Variants in PRKCQ observed in about 807,000 individuals in gnomAD.
PRKCQ encodes the protein protein kinase C theta.
A neutral mutation model predicts 91.2 loss-of-function variants in PRKCQ; 41 were observed. The observed-to-expected ratio is 0.45, with a 90% confidence interval of 0.35 to 0.58. The LOEUF (loss-of-function observed/expected upper bound fraction) is 0.58, where lower values mean the gene tolerates loss of function less well. Among genes scored for constraint, PRKCQ ranks in the 20% least tolerant of loss-of-function variants. The pLI, the probability that PRKCQ is intolerant of heterozygous loss-of-function variation, is 0.00. For missense variants in PRKCQ, 673 were observed against 896.5 expected (o/e 0.75, Z 3.18); for synonymous variants, 307 against 316.9 (o/e 0.97, Z 0.33).
chr10:6,433,456 T>G (rs530414204), intron 16 of PRKCQ, among the ~76,000 whole-genome samples: 37 of 152,282 alleles, frequency 2.4e-4, no homozygotes, highest in African/African-American at 8.7e-4. Flanking sequence ...AGTAGATGCC[T>G]GCAGAGTAAG....
chr10:6,541,128 C>T (rs959320957), intron 1 of PRKCQ, among the ~76,000 whole-genome samples: 1 of 152,190 alleles, frequency 6.6e-6, no homozygotes, highest in African/African-American at 2.4e-5. Flanking sequence ...CTTTTGCAGA[C>T]GTTACATTCT....
the PRKCQ span, among the ~76,000 whole-genome samples, chr10:6,407,079 A>C: frequency 6.6e-6 from 1 of 152,220 alleles, no homozygotes; most frequent in African/African-American, 2.4e-5. The surrounding 1 kb of genome is among the most constrained non-coding windows in gnomAD (Gnocchi z 4.0). Context: ...TCACAAACCC[A>C]AAAAGAGCTA....
intron 1 of PRKCQ, among the ~76,000 whole-genome samples, chr10:6,539,113 G>A (rs1839686419): frequency 6.6e-6 from 1 of 152,132 alleles, no homozygotes; most frequent in African/African-American, 2.4e-5. Context: ...CTTGCACAAG[G>A]GTAGAAACCT....
rs1333645341 is a variant in PRKCQ at position 6,511,009 on chromosome 10, T to A, written c.304A>T (p.Lys102Ter). ...LAERCRKNNG[K>*]TEIWLELKPQ... ...TGCAACGTTACCCATATTTCTGTCT[T>A]CCCGTTGTTCTTCCTGCACCTCTCA... The change falls in exon 3 of 18, where the codon AAG becomes TAG. Residue 102 changes from lysine (K) to a stop codon, truncating the protein, a stop_gained. Coordinates refer to ENST00000263125, the MANE Select transcript of PRKCQ (RefSeq NM_006257.5). LOFTEE classifies it high-confidence loss of function. 6.2e-7 allele frequency: 1 copy of A among 1,614,014 alleles called. No homozygotes were observed. Among genetic ancestry groups the A allele is most frequent in the African/African-American group, 1.3e-5 (1 of 74,922 alleles).
At chr10:6,517,981 T>C (rs1429989837) in intron 1 of PRKCQ, among the ~76,000 whole-genome samples, 1 of 152,194 alleles carries the variant, frequency 6.6e-6, no homozygotes, top group African/African-American at 2.4e-5. Context: ...TACTATGTAA[T>C]TGCATGTACC....
chr10:6,545,485 A>G (rs1839917086), intron 1 of PRKCQ, among the ~76,000 whole-genome samples: 1 of 152,354 alleles, frequency 6.6e-6, no homozygotes, highest in South Asian at 2.1e-4. Flanking sequence ...AAGAAGCCAG[A>G]CACCAAGGGA....
chr10:6,576,005 A>G lies in PRKCQ; in HGVS notation c.-10+4206T>C, dbSNP rs1014968960. 6.6e-6 allele frequency among the ~76,000 whole-genome samples: 1 copy of G among 152,240 alleles called. No homozygotes were observed. Among genetic ancestry groups the G allele is most frequent in the East Asian group, 1.9e-4 (1 of 5,180 alleles). Reference sequence around the variant, plus strand: ...CAGTGAGCTGAGATCATGCCACTGCACTCCAGCCTGGCGACACAGCGAGAC... The same window carrying G: ...CAGTGAGCTGAGATCATGCCACTGCGCTCCAGCCTGGCGACACAGCGAGAC... On this transcript the variant is annotated intron_variant, in intron 1 of 17. Coordinates refer to ENST00000263125, the MANE Select transcript of PRKCQ (RefSeq NM_006257.5). This position sits in a 1 kb window ranked among gnomAD's most constrained non-coding sequence, Gnocchi z 4.2.
At chr10:6,544,379 A>G (rs1839877735) in intron 1 of PRKCQ, among the ~76,000 whole-genome samples, 1 of 152,158 alleles carries the variant, frequency 6.6e-6, no homozygotes, top group Non-Finnish European at 1.5e-5. Context: ...TGAAGAACCA[A>G]TTTGCCCATT....
At chr10:6,398,249 G>T in the PRKCQ span, among the ~76,000 whole-genome samples, 6 of 152,116 alleles carry the variant, frequency 3.9e-5, no homozygotes, top group Admixed American at 3.9e-4. Context: ...TTCATGTCTA[G>T]TCTTACGCCA....
intron 15 of PRKCQ, among the ~76,000 whole-genome samples, chr10:6,449,415 A>G (rs541494552): frequency 0.035 from 5,335 of 152,262 alleles, 138 homozygotes; most frequent in Non-Finnish European, 0.052. Flanking sequence ...CAAAGCCTCC[A>G]AGAAATATGG....
At chr10:6,543,831 G>T (rs559205036) in intron 1 of PRKCQ, among the ~76,000 whole-genome samples, 1 of 152,208 alleles carries the variant, frequency 6.6e-6, no homozygotes, top group Non-Finnish European at 1.5e-5. Context: ...CATGCACCGC[G>T]CATCCTTCCT....
downstream of PRKCQ, among the ~76,000 whole-genome samples, chr10:6,423,411 C>T (rs1833049657): frequency 6.6e-6 from 1 of 152,294 alleles, no homozygotes; most frequent in Admixed American, 6.5e-5. Flanking sequence ...ATCACTGACC[C>T]TCCAGGAGAC....
intron 1 of PRKCQ, among the ~76,000 whole-genome samples, chr10:6,525,037 G>A (rs1044177935): frequency 6.6e-6 from 1 of 152,144 alleles, no homozygotes; most frequent in African/African-American, 2.4e-5. Context: ...GTTGCCCACC[G>A]TGGAAATCTG....
At chr10:6,534,774 CTATATATATATATATATAGA>C (rs1176252399) in intron 1 of PRKCQ, among the ~76,000 whole-genome samples, 13 of 142,794 alleles carry the variant, frequency 9.1e-5, no homozygotes, top group African/African-American at 3.2e-4. Context: ...AAACATATAT[CTATATATATATATATATAGA>C]TATATATATA....
chr10:6,495,236 A>C (rs762409398), intron 7 of PRKCQ, among the ~76,000 whole-genome samples: 5 of 152,302 alleles, frequency 3.3e-5, no homozygotes, highest in Middle Eastern at 3.4e-3. Flanking sequence ...GCTTTCTACT[A>C]CAAGTTGCAC....
chr10:6,411,542 C>T, the PRKCQ span, among the ~76,000 whole-genome samples: 6 of 152,124 alleles, frequency 3.9e-5, no homozygotes, highest in African/African-American at 1.4e-4. Flanking sequence ...AAACTGACTT[C>T]CTGATTTTGT....
intron 1 of PRKCQ, among the ~76,000 whole-genome samples, chr10:6,519,641 T>C (rs551877554): frequency 6.6e-6 from 1 of 152,266 alleles, no homozygotes; most frequent in Admixed American, 6.5e-5. Context: ...TTTCAGCAGC[T>C]TACAGGTGCT....
intron 14 of PRKCQ, among the ~76,000 whole-genome samples, chr10:6,460,480 C>CT (rs372566562): frequency 1.8e-3 from 271 of 150,062 alleles, no homozygotes; most frequent in African/African-American, 6.2e-3. Context: ...CCTACTTCCC[C>CT]TTTTTTTTTT....
chr10:6,489,989 C>T (rs997666945), intron 8 of PRKCQ, among the ~76,000 whole-genome samples: 6 of 151,918 alleles, frequency 3.9e-5, no homozygotes, highest in African/African-American at 9.7e-5. Flanking sequence ...AACCAAGAGG[C>T]GAGAATTTCT....
Sources: gnomAD v4.1 joint callset for allele counts (sites outside exome capture counted in the v4.1 genomes callset) on GRCh38, gnomAD v4.1.1 for gene constraint, Gnocchi (gnomAD v3.1) non-coding constraint, MANE v1.5 for transcripts, NCBI Gene and HGNC (gene_info 2026-07-23, HGNC 2026-07-21) for gene names.